Variants in NEB observed in about 807,000 individuals in gnomAD.
NEB encodes the protein nemaline myopathy type 2.
Under a neutral mutation model 952.2 loss-of-function variants are expected in NEB, and 512 were observed. That is an observed-to-expected ratio of 0.54 (90% CI 0.50 to 0.58). NEB has a LOEUF of 0.58. NEB is among the 20% of genes least tolerant of loss of function. The pLI, the probability that NEB is intolerant of heterozygous loss-of-function variation, is 0.00. For synonymous variants in NEB, 2,900 were observed against 3,149.8 expected, an observed-to-expected ratio of 0.92 and a Z score of 2.66; for missense variants, 8,428 against 9,231.1, an observed-to-expected ratio of 0.91 and a Z score of 3.56.
intron 25 of NEB, 33 bp downstream of exon 25, chr2:151,688,259 C>T: frequency 2.0e-6 from 3 of 1,488,570 alleles, no homozygotes; most frequent in Non-Finnish European, 2.8e-6. Flanking sequence ...TTCATGTACA[C>T]CAAACATAGG....
intron 4 of NEB, 50 bp downstream of exon 4, chr2:151,729,565 T>C (rs765554340): frequency 1.9e-6 from 3 of 1,595,122 alleles, no homozygotes; most frequent in African/African-American, 2.7e-5. Flanking sequence ...GAGAAAGCTC[T>C]TCCTGCTTTA....
At chr2:151,608,933 A>AAAGG (rs2097801554) in intron 81 of NEB, among the ~76,000 whole-genome samples, 1 of 114,302 alleles carries the variant, frequency 8.7e-6, no homozygotes, top group African/African-American at 2.6e-5. Flanking sequence ...AAAAAAAAAA[A>AAAGG]GTTAAATGTC....
chr2:151,531,981 T>G, intron 143 of NEB, 85 bp from the exon 144 acceptor site: 1 of 756,928 alleles, frequency 1.3e-6, no homozygotes. Context: ...AACACCAGAG[T>G]GGGAGATGGT....
intron 10 of NEB, 31 bp downstream of exon 10, chr2:151,717,385 G>GGCA: frequency 9.1e-7 from 1 of 1,094,094 alleles, no homozygotes; most frequent in Non-Finnish European, 1.3e-6. Flanking sequence ...GAGTCTTCAA[G>GGCA]GGAGGCAATG....
At chr2:151,620,824 G>A (rs2098400924) in intron 72 of NEB, 95 bp downstream of exon 72, 1 of 916,702 alleles carries the variant, frequency 1.1e-6, no homozygotes, top group African/African-American at 1.7e-5. Context: ...ATGCACTGAA[G>A]GGAGTTAAGG....
In NEB at chr2:151,492,279, C is replaced by A; in HGVS notation, c.24876G>T (p.Val8292=). 6.2e-7 allele frequency: 1 copy of A among 1,610,332 alleles called. No homozygotes were observed. ...GTTTCTCAAAGTCTTCATGATATTT[C>A]ACCTGAAATGTCATGAATTTGCTTT... The part of the protein sequence containing the change: ...VRETQRHIST[V]KYHEDFEKHK... Residue 8292 remains valine (V), a splice_region_variant and synonymous_variant, in exon 178 of 182, where the codon GTG becomes GTT. Coordinates refer to ENST00000397345, the MANE Select transcript of NEB (RefSeq NM_001164508.2).
chr2:151,619,851 T>C, intron 72 of NEB, 89 bp from the exon 73 acceptor site: 1 of 1,383,970 alleles, frequency 7.2e-7, no homozygotes, highest in Non-Finnish European at 9.8e-7. Context: ...ATGAAATCTT[T>C]AAGGCAACAG....
Position 151,694,522 on chromosome 2 carries a change from A to G in NEB, c.1782T>C (p.Asp594=), listed in dbSNP as rs1380410900. The G allele has an allele frequency of 6.2e-7, 1 of 1,613,558 alleles. No homozygotes were observed. Among genetic ancestry groups the G allele is most frequent in the African/African-American group, 1.3e-5 (1 of 75,018 alleles). Residue 594 remains aspartate (D), a splice_region_variant and synonymous_variant, in exon 19 of 182, where the codon GAT becomes GAC. Transcript: ENST00000397345. ...GTCCAGGTCCCCAGGCCACACTCACATCGCTGGTGTTCTTGGTGTTGGCTT... is the reference window on the plus strand; with the variant it reads ...GTCCAGGTCCCCAGGCCACACTCACGTCGCTGGTGTTCTTGGTGTTGGCTT... ...AAKANTKNTS[D]VMYKKDYEKN... is the part of the protein sequence containing the mutation.
intron 173 of NEB, chr2:151,495,253 T>G (rs993744406): frequency 2.0e-5 from 3 of 152,092 alleles, no homozygotes; most frequent in Non-Finnish European, 4.4e-5. Flanking sequence ...ACGTGGGAGA[T>G]TTAGGAAATG....
At chr2:151,563,776 C>T (rs1559975275) in intron 118 of NEB, 47 bp downstream of exon 118, 1 of 1,606,902 alleles carries the variant, frequency 6.2e-7, no homozygotes, top group East Asian at 2.2e-5. Context: ...GCCCCTTGAT[C>T]CCCAGTAAAG....
At chr2:151,719,052 G>A (rs1301704059) in intron 9 of NEB, among the ~76,000 whole-genome samples, 1 of 152,096 alleles carries the variant, frequency 6.6e-6, no homozygotes, top group Non-Finnish European at 1.5e-5. Context: ...CCTGACTCCT[G>A]AGCCAGACGT....
In NEB at chr2:151,547,413, C is replaced by G. The variant is rs145636096; in HGVS notation, c.20367+16G>C. 5.5e-4 allele frequency: 867 copies of G among 1,562,950 alleles called. 10 individuals carry two copies. The East Asian group carries it at 0.015, about 27-fold the overall frequency. On this transcript the variant is annotated intron_variant, in intron 133 of 181. Coordinates refer to ENST00000397345, the MANE Select transcript of NEB (RefSeq NM_001164508.2). ...TTGGTAAGACTACTCCAGAAAGACC[C>G]CTACGAGATGCTTACATCACTGGTG...
intron 123 of NEB, 106 bp from the exon 124 acceptor site, chr2:151,560,805 AACTCCCAGG>A (rs1177759732): frequency 1.2e-6 from 1 of 843,302 alleles, no homozygotes; most frequent in Non-Finnish European, 1.9e-6. Flanking sequence ...ACTCCCTACT[AACTCCCAGG>A]ACTCCTCTTT....
chr2:151,566,214 T>C (rs886826282), intron 114 of NEB, among the ~76,000 whole-genome samples: 1 of 152,186 alleles, frequency 6.6e-6, no homozygotes, highest in Non-Finnish European at 1.5e-5. Flanking sequence ...TAGAAGTATG[T>C]GGGGCATTTA....
intron 8 of NEB, among the ~76,000 whole-genome samples, chr2:151,723,746 C>CTTTTTTTTTTTTTTTTTTTTT (rs1336447502): frequency 1.8e-5 from 1 of 55,914 alleles, no homozygotes; most frequent in African/African-American, 7.3e-5. Context: ...TACCTGCCTT[C>CTTTTTTTTTTTTTTTTTTTTT]TTTGTTTTTT....
chr2:151,651,709 G>A (rs1204551153), intron 52 of NEB, among the ~76,000 whole-genome samples: 4 of 152,148 alleles, frequency 2.6e-5, no homozygotes, highest in African/African-American at 9.7e-5. Context: ...ATAATAATGA[G>A]TATACTAACA....
At chr2:151,729,884 G>C (rs1331152228) in intron 3 of NEB, among the ~76,000 whole-genome samples, 1 of 152,154 alleles carries the variant, frequency 6.6e-6, no homozygotes, top group East Asian at 1.9e-4. Context: ...GATGCAGAGG[G>C]CTGAGAAAAA....
In NEB at chr2:151,549,635, C is replaced by A; in HGVS notation, c.20049+1G>T. 2 of 1,581,768 alleles carry A rather than the reference C, an allele frequency of 1.3e-6. No individual in the cohort carries two copies. Among genetic ancestry groups the A allele is most frequent in the Non-Finnish European group, 1.7e-6 (2 of 1,159,902 alleles). ...ATCTCAATGAGGAGGAGACCACTCA[C>A]ATAACTGCTCATGTAACGGGTGTCC... On this transcript the variant is annotated splice_donor_variant, in intron 130 of 181. Transcript: ENST00000397345. LOFTEE classifies it high-confidence loss of function.
At chr2:151,538,081 T>G in intron 139 of NEB, 59 bp downstream of exon 139, 1 of 1,496,956 alleles carries the variant, frequency 6.7e-7, no homozygotes, top group Non-Finnish European at 9.3e-7. Context: ...AAAAAATATA[T>G]GTATATGTAT....
Sources: gnomAD v4.1 joint callset for allele counts (sites outside exome capture counted in the v4.1 genomes callset) on GRCh38, gnomAD v4.1.1 for gene constraint, MANE v1.5 for transcripts, NCBI Gene and HGNC (gene_info 2026-07-23, HGNC 2026-07-21) for gene names.